GALNT11: variants seen among roughly 807,000 people sequenced by gnomAD.
The protein encoded by GALNT11 is UDP-GalNAc:polypeptide N-acetylgalactosaminyltransferase 11.
Under a neutral mutation model 72.7 loss-of-function variants are expected in GALNT11, and 47 were observed. The observed-to-expected ratio is 0.65, with a 90% CI of 0.51 to 0.82. GALNT11 has a LOEUF of 0.82. Among genes scored for constraint, GALNT11 ranks in the 40% least tolerant of loss-of-function variants. GALNT11 has a pLI of 0.00. For synonymous variants in GALNT11, 270 were observed against 286.6 expected, an observed-to-expected ratio of 0.94 and a Z score of 0.58; for missense variants, 677 against 778.4, an observed-to-expected ratio of 0.87 and a Z score of 1.55.
intron 2 of GALNT11, 117 bp from the exon 3 acceptor site, chr7:152,100,679 GAA>G: frequency 7.8e-7 from 1 of 1,280,916 alleles, no homozygotes; most frequent in Non-Finnish European, 1.1e-6. Flanking sequence ...CTAAGTTTGA[GAA>G]AAGAGATATT....
At chr7:152,092,879 C>T (rs2086131047) in intron 1 of GALNT11, among the ~76,000 whole-genome samples, 1 of 152,128 alleles carries the variant, frequency 6.6e-6, no homozygotes, top group South Asian at 2.1e-4. Context: ...CATTGGGCTC[C>T]TTAGAATTCC....
chr7:152,028,044 C>T (rs1390483059), intron 1 of GALNT11, among the ~76,000 whole-genome samples: 1 of 152,182 alleles, frequency 6.6e-6, no homozygotes, highest in Non-Finnish European at 1.5e-5. Flanking sequence ...GGAGTGAAGC[C>T]ACAGACCTTC....
At chr7:152,121,398 C>A in intron 11 of GALNT11, 148 bp from the exon 12 acceptor site, 2 of 812,884 alleles carry the variant, frequency 2.5e-6, no homozygotes, top group Non-Finnish European at 3.8e-6. Context: ...TATTGTGCTG[C>A]AGATAACAAA....
In GALNT11 at chr7:152,047,687, CGTGTGT is replaced by C. The variant is rs141152865; in HGVS notation, c.-39+21821_-39+21826del. ...ACTCTAGCCTGGTCAACAGTGACACCGTGTGTGTGTGTGTGTGTGTGTGCGCACACA... is the reference window on the plus strand; with the variant it reads ...ACTCTAGCCTGGTCAACAGTGACACCGTGTGTGTGTGTGTGTGCGCACACA... On this transcript the variant is annotated intron_variant, in intron 1 of 11. Transcript: ENST00000430044. Among the ~76,000 whole-genome samples, 564 of 147,126 alleles carry C rather than the reference CGTGTGT, an allele frequency of 3.8e-3. 2 individuals are homozygous for C. The highest frequency in any genetic ancestry group is 5.8e-3 in the Non-Finnish European group (388 of 66,390).
intron 1 of GALNT11, among the ~76,000 whole-genome samples, chr7:152,066,949 A>G (rs907992307): frequency 1.3e-5 from 2 of 152,228 alleles, no homozygotes; most frequent in Non-Finnish European, 2.9e-5. Flanking sequence ...AACACGAAGT[A>G]AACAAATACT....
chr7:152,066,779 T>C (rs896052905), intron 1 of GALNT11, among the ~76,000 whole-genome samples: 1 of 152,188 alleles, frequency 6.6e-6, no homozygotes, highest in African/African-American at 2.4e-5. Context: ...AACACACACA[T>C]TTATTGAGTA....
chr7:152,110,592 T>A lies in GALNT11; in HGVS notation c.1027T>A (p.Tyr343Asn), dbSNP rs758041641. ...NRQYFHELGQ[Y>N]DSGMDIWGGE... ...ACAGTATTTCCATGAACTTGGACAG[T>A]ATGATAGTGGCATGGATATCTGGGG... The change falls in exon 7 of 12, where the codon TAT becomes AAT. Residue 343 changes from tyrosine (Y) to asparagine (N), a missense_variant. By Grantham distance (143) the Tyr-to-Asn change is moderately radical. Coordinates refer to ENST00000430044, the MANE Select transcript of GALNT11 (RefSeq NM_022087.4). The A allele has an allele frequency of 1.2e-6, 2 of 1,612,972 alleles. No homozygotes were observed. Among genetic ancestry groups the A allele is most frequent in the Non-Finnish European group, 1.7e-6 (2 of 1,179,798 alleles).
intron 1 of GALNT11, among the ~76,000 whole-genome samples, chr7:152,041,206 C>G (rs558317431): frequency 6.6e-6 from 1 of 152,180 alleles, no homozygotes; most frequent in African/African-American, 2.4e-5. Flanking sequence ...AGCATAACCT[C>G]TACTCCAAGT....
chr7:152,118,714 C>G lies in GALNT11; in HGVS notation c.1489C>G (p.Gln497Glu). 6.2e-7 allele frequency: 1 copy of G among 1,611,742 alleles called. No homozygotes were observed. The highest frequency in any genetic ancestry group is 8.5e-7 in the Non-Finnish European group (1 of 1,179,000). ...HLQTNKCLVA[Q>E]GRPSQKGGLV... ...CCAGACCAACAAATGCCTGGTGGCCCAGGGCCGCCCAAGTCAGAAGGGAGG... is the reference window on the plus strand; with the variant it reads ...CCAGACCAACAAATGCCTGGTGGCCGAGGGCCGCCCAAGTCAGAAGGGAGG... The change falls in exon 10 of 12, where the codon CAG becomes GAG. Residue 497 changes from glutamine to glutamate, a missense_variant. Physicochemically the swap from Gln to Glu is conservative, Grantham distance 29. Coordinates refer to ENST00000430044, the MANE Select transcript of GALNT11 (RefSeq NM_022087.4).
At chr7:152,072,919 T>TGG (rs565517597) in intron 1 of GALNT11, among the ~76,000 whole-genome samples, 123 of 152,348 alleles carry the variant, frequency 8.1e-4, no homozygotes, top group African/African-American at 2.9e-3. Flanking sequence ...CTAAGGAAAC[T>TGG]TTTTGTCTGA....
chr7:152,107,361 A>T (rs1048442498), intron 5 of GALNT11: 1 of 152,208 alleles, frequency 6.6e-6, no homozygotes, highest in Non-Finnish European at 1.5e-5. Context: ...TCCCATTGGC[A>T]GGTGAGAGCC....
chr7:152,115,677 T>TTCACTTGAG (rs2129070390), intron 8 of GALNT11, among the ~76,000 whole-genome samples: 1 of 152,336 alleles, frequency 6.6e-6, no homozygotes, highest in African/African-American at 2.4e-5. Context: ...TTGTTGCAAA[T>TTCACTTGAG]GACAAAATTC....
chr7:152,092,247 C>G (rs572359814), intron 1 of GALNT11, among the ~76,000 whole-genome samples: 16 of 152,306 alleles, frequency 1.1e-4, no homozygotes, highest in Admixed American at 5.2e-4. Flanking sequence ...TGTCACTGCT[C>G]TGTACATTTT....
At chr7:152,055,194 T>G (rs1367997046) in intron 1 of GALNT11, among the ~76,000 whole-genome samples, 1 of 152,200 alleles carries the variant, frequency 6.6e-6, no homozygotes, top group Admixed American at 6.5e-5. Flanking sequence ...AGACTCTATC[T>G]GTAAATACAG....
At position 152,034,266 on chromosome 7, in the gene GALNT11, A is replaced by G. The variant is rs537048468; in HGVS notation, c.-39+8382A>G. 2.1e-3 allele frequency among the ~76,000 whole-genome samples: 327 copies of G among 152,304 alleles called. 2 individuals carry two copies. Among genetic ancestry groups the G allele is most frequent in the Admixed American group, 4.1e-3 (63 of 15,302 alleles). Reference sequence around the variant, plus strand: ...TGGGGGTAAGCTGAGAGGTCCTCCTATGGGATGTAAATTGCAAACTTTGCA... The same window carrying G: ...TGGGGGTAAGCTGAGAGGTCCTCCTGTGGGATGTAAATTGCAAACTTTGCA... On this transcript the variant is annotated intron_variant, in intron 1 of 11. Coordinates refer to ENST00000430044, the MANE Select transcript of GALNT11 (RefSeq NM_022087.4).
chr7:152,029,456 C>T (rs1214148225), intron 1 of GALNT11, among the ~76,000 whole-genome samples: 1 of 152,110 alleles, frequency 6.6e-6, no homozygotes, highest in Non-Finnish European at 1.5e-5. Flanking sequence ...CTGATTTCCA[C>T]AAGATTAGAA....
chr7:152,034,863 G>T (rs1393054531), intron 1 of GALNT11, among the ~76,000 whole-genome samples: 1 of 152,074 alleles, frequency 6.6e-6, no homozygotes, highest in Non-Finnish European at 1.5e-5. Flanking sequence ...CTGCACCCTT[G>T]CCTGTCCTCC....
intron 1 of GALNT11, among the ~76,000 whole-genome samples, chr7:152,057,134 G>C (rs1258042552): frequency 6.6e-6 from 1 of 151,210 alleles, no homozygotes; most frequent in Non-Finnish European, 1.5e-5. Flanking sequence ...GGGATTACAG[G>C]CATGAGCCAC....
At position 152,113,466 on chromosome 7, in the gene GALNT11, T is replaced by C. The variant is rs1241872797; in HGVS notation, c.1233+68T>C. 32 of 1,551,792 alleles carry C rather than the reference T, an allele frequency of 2.1e-5. 1 individual carries two copies. In the South Asian group the frequency reaches 2.8e-4, roughly 14 times the overall value. ...GCAGTGACTGGCCTAGTGATAGCTT[T>C]AGTTGCTTACTTTTCACTCTGGCAT... On this transcript the variant is annotated intron_variant, in intron 8 of 11. Coordinates refer to ENST00000430044, the MANE Select transcript of GALNT11 (RefSeq NM_022087.4).
Sources: allele counts gnomAD v4.1 joint callset (sites outside exome capture counted in the v4.1 genomes callset), GRCh38; gene constraint gnomAD v4.1.1; transcripts MANE v1.5; gene names NCBI Gene and HGNC (gene_info 2026-07-23, HGNC 2026-07-21).